ADGRB1: variants seen among roughly 807,000 people sequenced by gnomAD.
ADGRB1 encodes the protein brain-specific angiogenesis inhibitor 1.
ADGRB1 carries 36 observed loss-of-function variants against 175.7 expected under a neutral mutation model. The observed-to-expected ratio is 0.20, with a 90% CI of 0.16 to 0.27. ADGRB1 has a LOEUF of 0.27. Ranked by LOEUF, ADGRB1 falls within the 10% of genes least tolerant of loss-of-function variation. ADGRB1 has a pLI of 1.00. For synonymous variants in ADGRB1, 1,054 were observed against 979.4 expected (o/e 1.08, Z -1.42); for missense variants, 1,731 against 2,255.3 (o/e 0.77, Z 4.71).
intron 18 of ADGRB1, among the ~76,000 whole-genome samples, chr8:142,512,630 G>T (rs1319512839): frequency 6.6e-6 from 1 of 152,212 alleles, no homozygotes; most frequent in Non-Finnish European, 1.5e-5. Context: ...GACTGGCTCT[G>T]CCTTAAGTCC....
intron 2 of ADGRB1, among the ~76,000 whole-genome samples, chr8:142,469,562 AATGTGTGTGCATGTGTGC>A: frequency 9.4e-6 from 1 of 106,634 alleles, no homozygotes; most frequent in Non-Finnish European, 2.0e-5. Context: ...CATGTGTGTG[AATGTGTGTGCATGTGTGC>A]ATGTGTGAAT....
At chr8:142,534,880 T>C (rs1844837215) in intron 25 of ADGRB1, among the ~76,000 whole-genome samples, 1 of 152,186 alleles carries the variant, frequency 6.6e-6, no homozygotes, top group African/African-American at 2.4e-5. Flanking sequence ...TGACAGCTTC[T>C]AAAGCAGGTG....
intron 17 of ADGRB1, among the ~76,000 whole-genome samples, chr8:142,500,789 C>T (rs980048425): frequency 2.1e-4 from 32 of 152,274 alleles, no homozygotes; most frequent in Admixed American, 2.0e-3. Flanking sequence ...ATTCTCTGAC[C>T]TTGCCCTTGG....
intron 2 of ADGRB1, among the ~76,000 whole-genome samples, chr8:142,472,051 C>T (rs1009238366): frequency 4.6e-5 from 7 of 152,206 alleles, no homozygotes; most frequent in African/African-American, 1.2e-4. Context: ...CCTCCAGCCC[C>T]GGTGCTGCCC....
In ADGRB1 at chr8:142,529,025, C is replaced by G. The variant is rs143059421; in HGVS notation, c.3398+2398C>G. 2.6e-3 allele frequency among the ~76,000 whole-genome samples: 396 copies of G among 152,366 alleles called. 1 individual carries two copies. The highest frequency in any genetic ancestry group is 9.0e-3 in the African/African-American group (375 of 41,588). On this transcript the variant is annotated intron_variant, in intron 24 of 30. Coordinates refer to ENST00000517894, the MANE Select transcript of ADGRB1 (RefSeq NM_001702.3). ...CTGGAGTTGAACCTCCACCCCCACC[C>G]CTGGTGCTGCTGGCACGGAGCCCAG...
chr8:142,459,247 C>G (rs963326351), intron 1 of ADGRB1, among the ~76,000 whole-genome samples: 1 of 152,320 alleles, frequency 6.6e-6, no homozygotes, highest in South Asian at 2.1e-4. Context: ...CGGAGAAGCA[C>G]GGAGCATGGA....
chr8:142,536,729 G>A (rs1281957079), intron 25 of ADGRB1, among the ~76,000 whole-genome samples: 9 of 152,112 alleles, frequency 5.9e-5, no homozygotes, highest in East Asian at 3.9e-4. Flanking sequence ...AGCAGCTCTC[G>A]GTGGCTGGGA....
intron 23 of ADGRB1, 39 bp from the exon 24 acceptor site, chr8:142,526,503 G>GGCCCCCCCCCCC: frequency 4.8e-6 from 6 of 1,259,206 alleles, no homozygotes; most frequent in Non-Finnish European, 4.5e-6. Flanking sequence ...GCCTACGGCG[G>GGCCCCCCCCCCC]CCCCCACCCC....
chr8:142,511,308 C>G lies in ADGRB1; in HGVS notation c.2817+235C>G, dbSNP rs529179341. Among the ~76,000 whole-genome samples the G allele has an allele frequency of 6.6e-6, 1 of 151,820 alleles. No individual in the cohort carries two copies. The highest frequency in any genetic ancestry group is 2.4e-5 in the African/African-American group (1 of 41,378). On this transcript the variant is annotated intron_variant, in intron 18 of 30. Coordinates refer to ENST00000517894, the MANE Select transcript of ADGRB1 (RefSeq NM_001702.3). The surrounding 1 kb of genome is among the most constrained non-coding windows in gnomAD (Gnocchi z 4.5). Reference sequence around the variant, plus strand: ...GAGACGGGCCTGGGAGGAGTCGGGACCCCCGGAAAGTGGCTGATGGGTGGG... The same window carrying G: ...GAGACGGGCCTGGGAGGAGTCGGGAGCCCCGGAAAGTGGCTGATGGGTGGG...
At chr8:142,458,687 A>C (rs1300950820) in intron 1 of ADGRB1, among the ~76,000 whole-genome samples, 1 of 152,144 alleles carries the variant, frequency 6.6e-6, no homozygotes, top group Non-Finnish European at 1.5e-5. Flanking sequence ...GCCACCTCGC[A>C]GAAGCTGGCC....
intron 2 of ADGRB1, among the ~76,000 whole-genome samples, chr8:142,473,269 C>A (rs2131755256): frequency 6.6e-6 from 1 of 152,262 alleles, no homozygotes; most frequent in African/African-American, 2.4e-5. Context: ...GGGGGTGCCG[C>A]AGGACGTGCC....
intron 17 of ADGRB1, among the ~76,000 whole-genome samples, chr8:142,491,877 G>A (rs1489319888): frequency 6.6e-6 from 1 of 152,200 alleles, no homozygotes; most frequent in Non-Finnish European, 1.5e-5. Context: ...GGAGGACAAG[G>A]CTGCCTGACA....
rs1845470339 is a variant in ADGRB1 at position 142,544,409 on chromosome 8, G to A, written c.4747G>A (p.Glu1583Lys). ...VGQDIIDLQT[E>K]V ...CCAGGACATCATCGACCTCCAGACCGAGGTCTGAGCGGGTGGGCGGCGGCC... is the reference window on the plus strand; with the variant it reads ...CCAGGACATCATCGACCTCCAGACCAAGGTCTGAGCGGGTGGGCGGCGGCC... Residue 1583 changes from glutamate (E) to lysine (K), a missense_variant, in exon 31 of 31, where the codon GAG becomes AAG. Physicochemically the swap from Glu to Lys is moderately conservative, Grantham distance 56. Coordinates refer to ENST00000517894, the MANE Select transcript of ADGRB1 (RefSeq NM_001702.3). 3.3e-6 allele frequency: 5 copies of A among 1,494,756 alleles called. No individual in the cohort carries two copies. Among genetic ancestry groups the A allele is most frequent in the Non-Finnish European group, 4.5e-6 (5 of 1,119,390 alleles). 92.6% of individuals were successfully genotyped at this position (1,494,756 alleles called of 1,614,324 possible).
chr8:142,497,217 C>A (rs1842259177), intron 17 of ADGRB1, among the ~76,000 whole-genome samples: 1 of 152,264 alleles, frequency 6.6e-6, no homozygotes, highest in East Asian at 1.9e-4. Flanking sequence ...CCAGCCCTGC[C>A]TCCTGTGGGG....
Position 142,522,127 on chromosome 8 carries a change from C to T in ADGRB1, c.3175+12C>T. 1 of 1,605,140 alleles carries T rather than the reference C, an allele frequency of 6.2e-7. No individual in the cohort carries two copies. Among genetic ancestry groups the T allele is most frequent in the South Asian group, 1.1e-5 (1 of 90,966 alleles). On this transcript the variant is annotated intron_variant, in intron 21 of 30. Transcript: ENST00000517894. Reference sequence around the variant, plus strand: ...CTGCCTGGGCTGGGGTGAGCCGCGGCCTTCCCGACCCTCCTGGACAGATAC... The same window carrying T: ...CTGCCTGGGCTGGGGTGAGCCGCGGTCTTCCCGACCCTCCTGGACAGATAC...
intron 18 of ADGRB1, among the ~76,000 whole-genome samples, chr8:142,516,160 G>C (rs78496831): frequency 1.3e-5 from 2 of 151,558 alleles, no homozygotes; most frequent in African/African-American, 4.9e-5. Context: ...CCAGGTGTGC[G>C]TGTGTGGGAG....
At chr8:142,518,106 C>T in intron 18 of ADGRB1, 32 bp from the exon 19 acceptor site, 1 of 1,605,162 alleles carries the variant, frequency 6.2e-7, no homozygotes, top group Non-Finnish European at 8.5e-7. Flanking sequence ...TGGGGTGCCT[C>T]ACTCCCTGCG....
rs116416906 is a variant in ADGRB1, at chr8:142,490,857, G to A, written c.2675+42G>A. ...TTCATGGCCGTGGGGGTCTGGGGTG[G>A]GGTTCGTGGGAGGCTGGCCCAGTAG... On this transcript the variant is annotated intron_variant, in intron 17 of 30. Coordinates refer to ENST00000517894, the MANE Select transcript of ADGRB1 (RefSeq NM_001702.3). 1.9e-4 allele frequency: 302 copies of A among 1,555,340 alleles called. No homozygotes were observed. The African/African-American group carries it at 3.9e-3, about 20-fold the overall frequency.
rs1176603871 is a variant in ADGRB1, at chr8:142,488,290, C to CCCGCAGCTGAGGCCCCG, written c.2309-71_2309-55dup. The CCCGCAGCTGAGGCCCCG allele has an allele frequency of 4.9e-5, 77 of 1,569,128 alleles. No individual in the cohort carries two copies. The East Asian group carries it at 1.7e-3, about 35-fold the overall frequency. On this transcript the variant is annotated intron_variant, in intron 13 of 30. Transcript: ENST00000517894. ...GCACTGCCAGGCCTGCACCTCAACT[C>CCCGCAGCTGAGGCCCCG]CCGCAGCTGAGGCCCCGCCACATCT... is the stretch of plus-strand genomic sequence containing the variant.
Sources: gnomAD v4.1 joint callset for allele counts (sites outside exome capture counted in the v4.1 genomes callset) on GRCh38, gnomAD v4.1.1 for gene constraint, Gnocchi (gnomAD v3.1) non-coding constraint, MANE v1.5 for transcripts, NCBI Gene and HGNC (gene_info 2026-07-23, HGNC 2026-07-21) for gene names.